Variants in MLH3 observed in about 807,000 individuals in gnomAD.
MLH3 encodes the protein mutL homolog 3, also known as DNA mismatch repair protein Mlh3.
In MLH3, 82 loss-of-function variants were observed where a neutral mutation model predicts 122.2. The observed-to-expected ratio is 0.67, with a 90% CI of 0.56 to 0.81. The LOEUF (loss-of-function observed/expected upper bound fraction) is 0.81, where lower values mean the gene tolerates loss of function less well. Ranked by LOEUF, MLH3 falls within the 30% of genes least tolerant of loss-of-function variation. The pLI, the probability that MLH3 is intolerant of heterozygous loss-of-function variation, is 0.00. For missense variants in MLH3, 1,539 were observed against 1,714.5 expected (o/e 0.90, Z 1.81); for synonymous variants, 524 against 599.5 (o/e 0.87, Z 1.84).
chr14:75,025,151 T>C (rs929202758), intron 9 of MLH3, among the ~76,000 whole-genome samples: 1 of 152,218 alleles, frequency 6.6e-6, no homozygotes, highest in African/African-American at 2.4e-5. Flanking sequence ...TTCCTCAGCC[T>C]TGAATCCCAC....
intron 9 of MLH3, among the ~76,000 whole-genome samples, chr14:75,027,355 G>T (rs919574344): frequency 6.6e-6 from 1 of 151,288 alleles, no homozygotes; most frequent in Non-Finnish European, 1.5e-5. Context: ...CGCCTCCCGG[G>T]TTCAAGTGAT....
rs775302724 is a variant in MLH3, at chr14:75,046,758, T to C, written c.2898A>G (p.Ser966=). Residue 966 remains serine (S), a synonymous_variant, in exon 2 of 13, where the codon TCA becomes TCG. Coordinates refer to ENST00000355774, the MANE Select transcript of MLH3 (RefSeq NM_001040108.2). ...NSNTTENCVI[S]ETPLVLPYNN... is the part of the protein sequence containing the mutation. Reference sequence around the variant, plus strand: ...TATAGGGCAATACCAAAGGAGTTTCTGATATCACACAGTTCTCTGTTGTAT... The same window carrying C: ...TATAGGGCAATACCAAAGGAGTTTCCGATATCACACAGTTCTCTGTTGTAT... 6.2e-7 allele frequency: 1 copy of C among 1,614,230 alleles called. No individual in the cohort carries two copies. Among genetic ancestry groups the C allele is most frequent in the South Asian group, 1.1e-5 (1 of 91,086 alleles).
Position 75,038,414 on chromosome 14 carries a change from T to C in MLH3, c.3571-2A>G, listed in dbSNP as rs1237067293. 2 of 1,598,718 alleles carry C rather than the reference T, an allele frequency of 1.3e-6. No homozygotes were observed. The highest frequency in any genetic ancestry group is 1.7e-6 in the Non-Finnish European group (2 of 1,166,242). On this transcript the variant is annotated splice_acceptor_variant, in intron 5 of 12. Transcript: ENST00000355774. LOFTEE classifies it high-confidence loss of function. ...CTTGTTATCTACTTGCTGGAGAACC[T>C]GTCAGACATTCAAATAAGTGGTACA...
In MLH3 at chr14:75,016,924, G is replaced by C; in HGVS notation, c.*158C>G. ...GGCTACTCAACTAGGGGAATCATCT[G>C]CTCAAGAAAGACTGATACAGAGAGC... On this transcript the variant is annotated 3_prime_UTR_variant, in exon 13 of 13. Coordinates refer to ENST00000355774, the MANE Select transcript of MLH3 (RefSeq NM_001040108.2). 1.3e-6 allele frequency: 1 copy of C among 799,684 alleles called. No homozygotes were observed. Among genetic ancestry groups the C allele is most frequent in the Non-Finnish European group, 2.1e-6 (1 of 466,064 alleles). 49.5% of individuals were successfully genotyped at this position (799,684 alleles called of 1,614,324 possible).
At chr14:75,043,804 G>A (rs1267559863) in intron 2 of MLH3, among the ~76,000 whole-genome samples, 1 of 152,138 alleles carries the variant, frequency 6.6e-6, no homozygotes, top group East Asian at 1.9e-4. Context: ...ACATTAAAAT[G>A]TATCTTTTAG....
intron 9 of MLH3, among the ~76,000 whole-genome samples, chr14:75,029,046 A>G (rs1890851271): frequency 7.1e-6 from 1 of 141,142 alleles, no homozygotes; most frequent in Admixed American, 7.3e-5. Flanking sequence ...GCTACTTGGG[A>G]GGCTGAGGTA....
At chr14:75,042,925 G>A (rs1350779133) in intron 2 of MLH3, among the ~76,000 whole-genome samples, 9 of 152,022 alleles carry the variant, frequency 5.9e-5, no homozygotes, top group African/African-American at 1.7e-4. Context: ...ACAGGCATGC[G>A]TCACCACACC....
chr14:75,046,718 TA>T lies in MLH3; in HGVS notation c.2937del (p.Thr980ProfsTer16), dbSNP rs758226404. ...ATAAGAACATCTGAATCTTTACCGG[TA>T]ACTTTAGAATTATTATAGGGCAATA... is the stretch of plus-strand genomic sequence containing the variant. ...PLVLPYNNSK[V>X]TGKDSDVLIR... is the part of the protein sequence containing the mutation. On this transcript the variant is annotated frameshift_variant, in exon 2 of 13. Transcript: ENST00000355774. LOFTEE classifies it high-confidence loss of function. 6.2e-7 allele frequency: 1 copy of T among 1,614,050 alleles called. No individual in the cohort carries two copies. The highest frequency in any genetic ancestry group is 1.3e-5 in the African/African-American group (1 of 74,934).
At chr14:75,036,647 T>C (rs1239094903) in intron 6 of MLH3, 2 of 456,016 alleles carry the variant, frequency 4.4e-6, no homozygotes, top group Non-Finnish European at 8.8e-6. Context: ...CCTGGCCACC[T>C]TGACATCTCT....
chr14:75,018,384 T>A (rs759187530), intron 12 of MLH3, among the ~76,000 whole-genome samples: 11 of 152,160 alleles, frequency 7.2e-5, no homozygotes, highest in Non-Finnish European at 1.6e-4. Context: ...AAACCATAAC[T>A]CAAGATCCTT....
At chr14:75,041,989 G>A (rs1366793174) in intron 3 of MLH3, among the ~76,000 whole-genome samples, 1 of 152,198 alleles carries the variant, frequency 6.6e-6, no homozygotes, top group African/African-American at 2.4e-5. Flanking sequence ...TAGCCTTACT[G>A]CCTTTAAGCA....
chr14:75,034,257 GT>G (rs1303545585), intron 6 of MLH3, among the ~76,000 whole-genome samples: 13 of 150,702 alleles, frequency 8.6e-5, no homozygotes, highest in African/African-American at 3.2e-4. Flanking sequence ...TAATTCTTAT[GT>G]TTAAATACTG....
chr14:75,030,725 T>TAA, intron 8 of MLH3, 23 bp from the exon 9 acceptor site: 35 of 1,326,358 alleles, frequency 2.6e-5, no homozygotes, highest in Non-Finnish European at 3.3e-5. Context: ...CCTCAAATGT[T>TAA]AAAAAAAAAA....
chr14:75,050,376 T>C (rs960275475), intron 1 of MLH3, among the ~76,000 whole-genome samples: 2 of 152,204 alleles, frequency 1.3e-5, no homozygotes, highest in Non-Finnish European at 2.9e-5. Flanking sequence ...ATCCTGTTCA[T>C]GTATTACTCT....
In MLH3 at chr14:75,048,171, G is replaced by C. The variant is rs779192155; in HGVS notation, c.1485C>G (p.Ser495Arg). 3 of 1,613,860 alleles carry C rather than the reference G, an allele frequency of 1.9e-6. No homozygotes were observed. Among genetic ancestry groups the C allele is most frequent in the Non-Finnish European group, 2.5e-6 (3 of 1,179,984 alleles). ...TGGTTCCACACGGATTTTCTAAAGA[G>C]CTATGTTCCAGGAAAGATTTTTTAT... is the stretch of plus-strand genomic sequence containing the variant. ...EKHKKSFLEH[S>R]SLENPCGTSL... Residue 495 changes from serine (S) to arginine (R), a missense_variant, in exon 2 of 13, where the codon AGC becomes AGG. Ser to Arg is a moderately radical substitution (Grantham distance 110, BLOSUM62 -1). Coordinates refer to ENST00000355774, the MANE Select transcript of MLH3 (RefSeq NM_001040108.2).
intron 6 of MLH3, among the ~76,000 whole-genome samples, chr14:75,035,787 G>T (rs1566589531): frequency 6.6e-6 from 1 of 152,022 alleles, no homozygotes; most frequent in Admixed American, 6.6e-5. Context: ...AGCCACTCAG[G>T]CCTTTTCAGG....
chr14:75,014,538 C>T lies in MLH3; in HGVS notation c.*2544G>A, dbSNP rs951925668. 10 of 199,518 alleles carry T rather than the reference C, an allele frequency of 5.0e-5. No homozygotes were observed. The highest frequency in any genetic ancestry group is 3.8e-4 in the East Asian group (5 of 13,008). 12.4% of individuals were successfully genotyped at this position (199,518 alleles called of 1,614,324 possible). On this transcript the variant is annotated 3_prime_UTR_variant, in exon 13 of 13. Transcript: ENST00000355774. Reference sequence around the variant, plus strand: ...CTAGCTGTGACTCTGTGATACCTAACGCCAGAAGAAGCTACTATATTCTAT... The same window carrying T: ...CTAGCTGTGACTCTGTGATACCTAATGCCAGAAGAAGCTACTATATTCTAT...
At chr14:75,025,084 C>T (rs989311126) in intron 9 of MLH3, among the ~76,000 whole-genome samples, 1 of 152,198 alleles carries the variant, frequency 6.6e-6, no homozygotes. Flanking sequence ...TTGAATGTTT[C>T]CCCCTTGGCC....
chr14:75,049,397 G>T lies in MLH3; in HGVS notation c.259C>A (p.Pro87Thr), dbSNP rs1473612089. The T allele has an allele frequency of 6.2e-7, 1 of 1,613,980 alleles. No homozygotes were observed. Among genetic ancestry groups the T allele is most frequent in the Admixed American group, 1.7e-5 (1 of 60,016 alleles). Residue 87 changes from proline to threonine, a missense_variant, in exon 2 of 13, where the codon CCA (proline) becomes ACA (threonine). Coordinates refer to ENST00000355774, the MANE Select transcript of MLH3 (RefSeq NM_001040108.2). ...KCHSVQDLEN[P>T]RFYGFRGEAL... Reference sequence around the variant, plus strand: ...TCTCCTCGGAAACCATAAAACCTTGGATTCTCCAAGTCCTGTACCGAGTGG... The same window carrying T: ...TCTCCTCGGAAACCATAAAACCTTGTATTCTCCAAGTCCTGTACCGAGTGG...
Sources: allele counts gnomAD v4.1 joint callset (sites outside exome capture counted in the v4.1 genomes callset), GRCh38; gene constraint gnomAD v4.1.1; transcripts MANE v1.5; gene names NCBI Gene and HGNC (gene_info 2026-07-23, HGNC 2026-07-21).